The following PPP2R2B variants were observed in gnomAD, a reference collection of about 807,000 sequenced individuals.
PPP2R2B encodes protein phosphatase 2 regulatory subunit Bbeta.
In PPP2R2B, 5 loss-of-function variants were observed where a neutral mutation model predicts 46.0. The ratio of observed to expected loss-of-function variants is 0.11; its 90% CI spans 0.06 to 0.23. PPP2R2B has a LOEUF of 0.23. Among genes scored for constraint, PPP2R2B ranks in the 10% least tolerant of loss-of-function variants. The probability of loss-of-function intolerance (pLI) is 1.00; values close to 1 mark genes in which losing one functional copy is unlikely to be tolerated. For synonymous variants in PPP2R2B, 215 were observed against 206.7 expected, an observed-to-expected ratio of 1.04 and a Z score of -0.34; for missense variants, 367 against 575.0, an observed-to-expected ratio of 0.64 and a Z score of 3.70.
intron 2 of PPP2R2B, among the ~76,000 whole-genome samples, chr5:146,767,130 C>A (rs1185949406): frequency 4.8e-5 from 7 of 144,596 alleles, no homozygotes; most frequent in Non-Finnish European, 9.1e-5. Context: ...TTTCTCCTTG[C>A]ATATATCCAG....
intron 1 of PPP2R2B, among the ~76,000 whole-genome samples, chr5:147,047,234 T>C (rs1756585763): frequency 1.3e-5 from 2 of 152,120 alleles, no homozygotes; most frequent in South Asian, 4.1e-4. Context: ...CAGTGTTCTA[T>C]ACCACTGTAT....
chr5:146,710,874 C>T (rs1780176946), intron 2 of PPP2R2B, among the ~76,000 whole-genome samples: 1 of 152,248 alleles, frequency 6.6e-6, no homozygotes, highest in Non-Finnish European at 1.5e-5. Context: ...GCATCTGGCA[C>T]ATGTTTGGTC....
rs571757995 is a variant in PPP2R2B, at chr5:146,785,900, A to G, written c.71-84758T>C. On this transcript the variant is annotated intron_variant, in intron 2 of 9. Transcript: ENST00000394411. ...AAGGGCATAGGGGAGGGGAGAATAAAGAGAAGTAGATTAATGAGTACAAAA... is the reference window on the plus strand; with the variant it reads ...AAGGGCATAGGGGAGGGGAGAATAAGGAGAAGTAGATTAATGAGTACAAAA... 8.5e-5 allele frequency among the ~76,000 whole-genome samples: 13 copies of G among 152,286 alleles called. No homozygotes were observed. The East Asian group carries it at 2.3e-3, about 27-fold the overall frequency.
chr5:146,744,790 C>T (rs893149883), intron 2 of PPP2R2B, among the ~76,000 whole-genome samples: 1 of 152,174 alleles, frequency 6.6e-6, no homozygotes, highest in African/African-American at 2.4e-5. Context: ...TTCCTTTAAG[C>T]AGGCTATCTA....
chr5:146,590,396 G>GTGT (rs1265942499), intron 9 of PPP2R2B, among the ~76,000 whole-genome samples, 170 bp from the exon 10 acceptor site: 1 of 125,764 alleles, frequency 8.0e-6, no homozygotes, highest in Non-Finnish European at 1.7e-5. Flanking sequence ...TTTTTTTTTT[G>GTGT]TGTTTTTTTT....
At chr5:147,067,316 T>C (rs1317026167) in intron 2 of PPP2R2B, among the ~76,000 whole-genome samples, 1 of 152,136 alleles carries the variant, frequency 6.6e-6, no homozygotes, top group East Asian at 1.9e-4. Context: ...ATCCTCAACC[T>C]CCTCTTACCC....
At chr5:146,941,270 A>G (rs1446323586) in intron 1 of PPP2R2B, among the ~76,000 whole-genome samples, 2 of 152,140 alleles carry the variant, frequency 1.3e-5, no homozygotes, top group Non-Finnish European at 2.9e-5. Flanking sequence ...GCTAACTGCT[A>G]TGTGGTTGAC....
chr5:146,655,687 T>A (rs1244113597), intron 5 of PPP2R2B, among the ~76,000 whole-genome samples: 1 of 152,176 alleles, frequency 6.6e-6, no homozygotes, highest in Non-Finnish European at 1.5e-5. Flanking sequence ...GTCTATACCC[T>A]TAGTCGCTTA....
intron 7 of PPP2R2B, among the ~76,000 whole-genome samples, chr5:146,634,460 G>A (rs322493): frequency 0.13 from 19,621 of 151,994 alleles, 2,455 homozygotes; most frequent in African/African-American, 0.31. Context: ...TCAGCCTCCT[G>A]AGTAACTGGG....
At chr5:147,016,901 G>A (rs1755033645) in intron 1 of PPP2R2B, among the ~76,000 whole-genome samples, 1 of 151,646 alleles carries the variant, frequency 6.6e-6, no homozygotes, top group Non-Finnish European at 1.5e-5. Context: ...TGCAAAGTTG[G>A]AGAGAAAGTT....
intron 2 of PPP2R2B, among the ~76,000 whole-genome samples, chr5:147,068,353 G>A (rs998998380): frequency 1.3e-5 from 2 of 152,042 alleles, no homozygotes; most frequent in East Asian, 1.9e-4. Context: ...ACAGAAAGTC[G>A]TTTCATTGGG....
chr5:146,708,499 T>A (rs776260726), intron 2 of PPP2R2B, among the ~76,000 whole-genome samples: 9 of 152,094 alleles, frequency 5.9e-5, no homozygotes, highest in Non-Finnish European at 1.3e-4. Context: ...TAGAGATATG[T>A]ATCCATAACC....
At chr5:146,647,878 C>G (rs1404499809) in intron 6 of PPP2R2B, among the ~76,000 whole-genome samples, 1 of 152,190 alleles carries the variant, frequency 6.6e-6, no homozygotes, top group African/African-American at 2.4e-5. Context: ...TAGGCAGGCC[C>G]AGACAGCATG....
At chr5:147,001,602 C>A (rs765010309) in intron 1 of PPP2R2B, among the ~76,000 whole-genome samples, 1 of 152,160 alleles carries the variant, frequency 6.6e-6, no homozygotes, top group Non-Finnish European at 1.5e-5. Flanking sequence ...GTCAGCGAGA[C>A]CAAGAACCCA....
At chr5:146,966,141 T>C (rs1258189456) in intron 1 of PPP2R2B, among the ~76,000 whole-genome samples, 3 of 152,208 alleles carry the variant, frequency 2.0e-5, no homozygotes, top group African/African-American at 7.2e-5. Flanking sequence ...AAAACCGTAG[T>C]TGGTGTTCTT....
intron 1 of PPP2R2B, among the ~76,000 whole-genome samples, chr5:146,893,659 CA>C (rs1762555833): frequency 6.6e-6 from 1 of 151,912 alleles, no homozygotes; most frequent in Non-Finnish European, 1.5e-5. Context: ...ACTAAAAATA[CA>C]AAATGAGAAC....
intron 7 of PPP2R2B, among the ~76,000 whole-genome samples, chr5:146,605,574 C>T (rs927373460): frequency 2.6e-5 from 4 of 152,224 alleles, no homozygotes; most frequent in African/African-American, 9.7e-5. Flanking sequence ...GAATGTTCAG[C>T]AACATATCTG....
upstream of PPP2R2B, chr5:147,081,483 G>T: frequency 1.7e-6 from 1 of 601,586 alleles, no homozygotes; most frequent in Non-Finnish European, 2.9e-6. Context: ...CCCTTTTCAC[G>T]GGAATACTAA....
intron 2 of PPP2R2B, among the ~76,000 whole-genome samples, chr5:146,729,072 C>A (rs1752064549): frequency 6.6e-6 from 1 of 152,162 alleles, no homozygotes; most frequent in Non-Finnish European, 1.5e-5. Context: ...TTTGGAACTT[C>A]CTAGAGACTT....
Sources: allele counts gnomAD v4.1 joint callset (sites outside exome capture counted in the v4.1 genomes callset), GRCh38; gene constraint gnomAD v4.1.1; transcripts MANE v1.5; gene names NCBI Gene and HGNC (gene_info 2026-07-23, HGNC 2026-07-21).